TNS1: variants seen among roughly 807,000 people sequenced by gnomAD.
TNS1 encodes the protein tensin 1.
TNS1 carries 62 observed loss-of-function variants against 168.6 expected under a neutral mutation model. That is an observed-to-expected ratio of 0.37 (90% CI 0.30 to 0.45). The LOEUF is 0.45. Among genes scored for constraint, TNS1 ranks in the 20% least tolerant of loss-of-function variants. The pLI is 1.00. For synonymous variants in TNS1, 934 were observed against 933.2 expected, an observed-to-expected ratio of 1.00 and a Z score of -0.02; for missense variants, 2,240 against 2,339.4, an observed-to-expected ratio of 0.96 and a Z score of 0.88.
At chr2:217,827,951 G>C (rs551476685) in intron 22 of TNS1, among the ~76,000 whole-genome samples, 1 of 152,350 alleles carries the variant, frequency 6.6e-6, no homozygotes, top group Admixed American at 6.5e-5. Flanking sequence ...CTTCCCACTG[G>C]AGAGTGTTTG....
chr2:217,993,740 A>G (rs904957564), intron 1 of TNS1, among the ~76,000 whole-genome samples: 2 of 152,216 alleles, frequency 1.3e-5, no homozygotes, highest in African/African-American at 4.8e-5. Context: ...CTGGGTCTAG[A>G]CTGAATGGTA....
intron 3 of TNS1, among the ~76,000 whole-genome samples, chr2:217,940,322 C>T (rs1956849258): frequency 6.6e-6 from 1 of 152,066 alleles, no homozygotes; most frequent in African/African-American, 2.4e-5. Flanking sequence ...ATCTCCTCTG[C>T]CCCCCACCTC....
rs1177152199 is a variant in TNS1, at chr2:217,986,510, G to A, written c.148+4432C>T. On this transcript the variant is annotated intron_variant, in intron 2 of 32. Coordinates refer to ENST00000682258, the MANE Select transcript of TNS1 (RefSeq NM_001387777.1). This position sits in a 1 kb window ranked among gnomAD's most constrained non-coding sequence, Gnocchi z 4.7. ...ATCTTCCTGTGGGTTTCGGCCTGGT[G>A]GGAGGTAGAGCCCTTGAGCAAAGCT... is the stretch of plus-strand genomic sequence containing the variant. Among the ~76,000 whole-genome samples, 1 of 152,286 alleles carries A rather than the reference G, an allele frequency of 6.6e-6. No homozygotes were observed. Among genetic ancestry groups the A allele is most frequent in the East Asian group, 1.9e-4 (1 of 5,168 alleles).
chr2:217,819,524 C>T, intron 23 of TNS1, among the ~76,000 whole-genome samples: 1 of 152,198 alleles, frequency 6.6e-6, no homozygotes, highest in East Asian at 1.9e-4. Flanking sequence ...CCAATTCTGA[C>T]TCTGAAACAA....
At position 217,847,946 on chromosome 2, in the gene TNS1, C is replaced by T. The variant is rs760283462; in HGVS notation, c.2571G>A (p.Gln857=). ...ASAAAPLHKS[Q]SVPGAWPGAS... Reference sequence around the variant, plus strand: ...CCCCTGGCCAGGCCCCGGGGACACTCTGGGACTTGTGTAGTGGGGCAGCAG... The same window carrying T: ...CCCCTGGCCAGGCCCCGGGGACACTTTGGGACTTGTGTAGTGGGGCAGCAG... Residue 857 remains glutamine, a synonymous_variant, in exon 19 of 33, where the codon CAG becomes CAA. Coordinates refer to ENST00000682258, the MANE Select transcript of TNS1 (RefSeq NM_001387777.1). The T allele has an allele frequency of 1.8e-5, 28 of 1,516,764 alleles. No homozygotes were observed. The Admixed American group carries it at 4.9e-4, about 26-fold the overall frequency. 94.0% of individuals were successfully genotyped at this position (1,516,764 alleles called of 1,614,324 possible).
intron 22 of TNS1, among the ~76,000 whole-genome samples, chr2:217,828,733 C>G (rs1370190824): frequency 2.6e-5 from 4 of 152,226 alleles, no homozygotes; most frequent in Non-Finnish European, 5.9e-5. Context: ...CATAGACATG[C>G]CAACTCCTTG....
chr2:217,977,209 G>A (rs1400709613), intron 3 of TNS1, among the ~76,000 whole-genome samples: 1 of 152,088 alleles, frequency 6.6e-6, no homozygotes, highest in Non-Finnish European at 1.5e-5. Flanking sequence ...TGGAGTTTAA[G>A]GCAAAAAACT....
chr2:217,920,334 C>CGGCGA, intron 3 of TNS1, 98 bp from the exon 4 acceptor site: 5 of 695,434 alleles, frequency 7.2e-6, no homozygotes, highest in Admixed American at 4.0e-5. Context: ...TGCTTCATTC[C>CGGCGA]CTCACACGGG....
Position 217,831,682 on chromosome 2 carries a change from C to T in TNS1, c.3281-135G>A, listed in dbSNP as rs17789645. ...GCCGAGGAACCACCCTGAGGCCCAG[C>T]GCTTTGGCTCCACTGCCCTTTCCCG... On this transcript the variant is annotated intron_variant, in intron 21 of 32. Coordinates refer to ENST00000682258, the MANE Select transcript of TNS1 (RefSeq NM_001387777.1). The T allele has an allele frequency of 4.9e-3, 2,802 of 568,990 alleles. 4 individuals are homozygous for T. Among genetic ancestry groups the T allele is most frequent in the Non-Finnish European group, 6.9e-3 (2,409 of 351,628 alleles). The allele number at this position is 568,990 out of a possible 1,614,324, so 35.2% of individuals were successfully genotyped here.
At chr2:217,883,418 C>T (rs1019463516) in intron 16 of TNS1, among the ~76,000 whole-genome samples, 2 of 152,160 alleles carry the variant, frequency 1.3e-5, no homozygotes, top group Admixed American at 1.3e-4. Context: ...GCACATGCCA[C>T]CATGCCCGGC....
In TNS1 at chr2:217,948,776, C is replaced by T. The variant is rs1957174923; in HGVS notation, c.187-28540G>A. On this transcript the variant is annotated intron_variant, in intron 3 of 32. Coordinates refer to ENST00000682258, the MANE Select transcript of TNS1 (RefSeq NM_001387777.1). The surrounding 1 kb of genome is among the most constrained non-coding windows in gnomAD (Gnocchi z 4.1). The stretch of plus-strand genomic sequence containing the variant: ...CCAGAAGGAGGCAGGAGTAGGGGCA[C>T]CCCCTGCTCACCACTGTGTCCTCTA... Among the ~76,000 whole-genome samples the T allele has an allele frequency of 1.3e-5, 2 of 152,182 alleles. No individual in the cohort carries two copies. The highest frequency in any genetic ancestry group is 2.1e-4 in the South Asian group (1 of 4,830).
chr2:217,864,787 G>A (rs1346226590), intron 18 of TNS1, among the ~76,000 whole-genome samples: 5 of 152,222 alleles, frequency 3.3e-5, no homozygotes, highest in African/African-American at 4.8e-5. Context: ...TGCAAGTGAG[G>A]TCAATCACTA....
intron 8 of TNS1, 133 bp downstream of exon 8, chr2:217,897,665 G>A: frequency 1.2e-5 from 12 of 990,316 alleles, no homozygotes; most frequent in Admixed American, 2.6e-5. Context: ...TGCCTGAGGG[G>A]AAAGGCAGAT....
chr2:217,882,589 T>C (rs2373224), intron 16 of TNS1, among the ~76,000 whole-genome samples, 178 bp from the exon 17 acceptor site: 80,380 of 151,850 alleles, frequency 0.53, 25,212 homozygotes, highest in African/African-American at 0.87. Flanking sequence ...GAAATTAAAT[T>C]TCCTGCCCAC....
intron 3 of TNS1, among the ~76,000 whole-genome samples, chr2:217,972,566 C>T (rs1041202979): frequency 2.6e-5 from 4 of 152,198 alleles, no homozygotes; most frequent in Non-Finnish European, 5.9e-5. Context: ...CAGCCTCCTC[C>T]CTCCGCCTCA....
At chr2:217,829,414 C>A (rs1055705172) in intron 22 of TNS1, among the ~76,000 whole-genome samples, 1 of 152,124 alleles carries the variant, frequency 6.6e-6, no homozygotes, top group African/African-American at 2.4e-5. Flanking sequence ...CAGGCCAAAA[C>A]GTCAGTGGTG....
chr2:218,015,082 T>G (rs72951992), upstream of TNS1, among the ~76,000 whole-genome samples: 39,641 of 151,992 alleles, frequency 0.26, 5,699 homozygotes, highest in East Asian at 0.43. Flanking sequence ...GCACCTCCAC[T>G]CCACACACCC....
intron 24 of TNS1, among the ~76,000 whole-genome samples, chr2:217,816,978 C>A (rs1042401413): frequency 4.6e-5 from 7 of 152,146 alleles, no homozygotes; most frequent in African/African-American, 1.7e-4. Flanking sequence ...TAAGTAGAGG[C>A]AAAGGTGGCA....
chr2:217,970,921 C>A lies in TNS1; in HGVS notation c.186+7844G>T, dbSNP rs1316836441. ...TCAATAAAGTTGTTAAAAAAAAAAA[C>A]CAGGAAAGAAAGCCCTCAACCCCAG... On this transcript the variant is annotated intron_variant, in intron 3 of 32. Transcript: ENST00000682258. Among the ~76,000 whole-genome samples the A allele has an allele frequency of 5.3e-5, 8 of 151,074 alleles. No individual in the cohort carries two copies. In the East Asian group the frequency reaches 9.7e-4, roughly 18 times the overall value.
Sources: gnomAD v4.1 joint callset for allele counts (sites outside exome capture counted in the v4.1 genomes callset) on GRCh38, gnomAD v4.1.1 for gene constraint, Gnocchi (gnomAD v3.1) non-coding constraint, MANE v1.5 for transcripts, NCBI Gene and HGNC (gene_info 2026-07-23, HGNC 2026-07-21) for gene names.